Variants in CTNNAL1 observed in about 807,000 individuals in gnomAD.
CTNNAL1 encodes catenin alpha like 1, also known as alpha-catulin.
A neutral mutation model predicts 93.6 loss-of-function variants in CTNNAL1; 69 were observed. The ratio of observed to expected loss-of-function variants is 0.74; its 90% CI spans 0.61 to 0.90. The LOEUF (loss-of-function observed/expected upper bound fraction) is 0.90, where lower values mean the gene tolerates loss of function less well. Ranked by LOEUF, CTNNAL1 falls within the 40% of genes least tolerant of loss-of-function variation. The pLI is 0.00. For missense variants in CTNNAL1, 836 were observed against 862.0 expected, an observed-to-expected ratio of 0.97 and a Z score of 0.38; for synonymous variants, 286 against 305.4, an observed-to-expected ratio of 0.94 and a Z score of 0.66.
At chr9:109,000,007 G>A (rs796648675) in intron 1 of CTNNAL1, among the ~76,000 whole-genome samples, 1 of 152,182 alleles carries the variant, frequency 6.6e-6, no homozygotes, top group Non-Finnish European at 1.5e-5. Flanking sequence ...ATTGCTCAAT[G>A]TACATGTACT....
rs183775464 is a variant in CTNNAL1 at position 109,002,531 on chromosome 9, T to C, written c.142-3275A>G. On this transcript the variant is annotated intron_variant, in intron 1 of 18. Transcript: ENST00000325551. ...TCATTAACATGAAAGGGAGAATATA[T>C]ACCGATGAACTGGGAGATCTAACTA... Among the ~76,000 whole-genome samples, 373 of 152,238 alleles carry C rather than the reference T, an allele frequency of 2.5e-3. 1 individual carries two copies. Among genetic ancestry groups the C allele is most frequent in the Non-Finnish European group, 3.1e-3 (212 of 68,000 alleles).
intron 14 of CTNNAL1, among the ~76,000 whole-genome samples, chr9:108,951,142 C>A (rs540921052): frequency 7.9e-5 from 12 of 151,656 alleles, no homozygotes; most frequent in African/African-American, 2.9e-4. Context: ...TCCCGAGTAG[C>A]TGGGATTACA....
At chr9:108,958,233 T>TA (rs1830735668) in intron 11 of CTNNAL1, among the ~76,000 whole-genome samples, 1 of 152,202 alleles carries the variant, frequency 6.6e-6, no homozygotes, top group Non-Finnish European at 1.5e-5. Context: ...CCCATGGCCC[T>TA]AAAATGTTCA....
At chr9:108,951,758 T>C (rs2417959) in intron 14 of CTNNAL1, among the ~76,000 whole-genome samples, 7,838 of 152,262 alleles carry the variant, frequency 0.051, 305 homozygotes, top group East Asian at 0.12. Flanking sequence ...GGGAATTCTC[T>C]ACATAATGAA....
At chr9:109,012,891 T>C (rs1827251084) in intron 1 of CTNNAL1, among the ~76,000 whole-genome samples, 1 of 152,116 alleles carries the variant, frequency 6.6e-6, no homozygotes, top group South Asian at 2.1e-4. Flanking sequence ...AAGTCGGTTA[T>C]CGTGGAGGGC....
chr9:108,970,405 T>C lies in CTNNAL1; in HGVS notation c.1437A>G (p.Gln479=), dbSNP rs984297030. ...HAEETFQVTG[Q]QIISAAETLT... ...GAGCAATCTGCTATTATCATACCTGTTGGCCAGTCACCTGAAATGTCTCCT... is the reference window on the plus strand; with the variant it reads ...GAGCAATCTGCTATTATCATACCTGCTGGCCAGTCACCTGAAATGTCTCCT... Residue 479 remains glutamine (Q), a synonymous_variant, in exon 10 of 19, where the codon CAA becomes CAG. Coordinates refer to ENST00000325551, the MANE Select transcript of CTNNAL1 (RefSeq NM_003798.4). 16 of 1,611,256 alleles carry C rather than the reference T, an allele frequency of 9.9e-6. No individual in the cohort carries two copies. The highest frequency in any genetic ancestry group is 6.8e-6 in the Non-Finnish European group (8 of 1,178,986).
chr9:108,972,192 CCTG>C (rs1831132512), intron 9 of CTNNAL1, among the ~76,000 whole-genome samples: 1 of 152,128 alleles, frequency 6.6e-6, no homozygotes, highest in Non-Finnish European at 1.5e-5. Context: ...TCCACATTCC[CCTG>C]CTGATGTGGG....
At position 108,943,700 on chromosome 9, in the gene CTNNAL1, T is replaced by C. The variant is rs1830314495; in HGVS notation, c.2055+3A>G. On this transcript the variant is annotated splice_donor_region_variant and intron_variant, in intron 17 of 18. Coordinates refer to ENST00000325551, the MANE Select transcript of CTNNAL1 (RefSeq NM_003798.4). The stretch of plus-strand genomic sequence containing the variant: ...GTGAAAGTTTTTCATATGTCTCTTT[T>C]ACCTTTAGAAATACTTTATTCTGCA... The C allele has an allele frequency of 6.2e-7, 1 of 1,606,138 alleles. No homozygotes were observed. Among genetic ancestry groups the C allele is most frequent in the African/African-American group, 1.3e-5 (1 of 74,376 alleles).
chr9:108,979,196 G>A, intron 7 of CTNNAL1, 85 bp downstream of exon 7: 1 of 1,512,592 alleles, frequency 6.6e-7, no homozygotes, highest in Non-Finnish European at 9.0e-7. Flanking sequence ...CATACTCCTG[G>A]TGATTATGTA....
intron 1 of CTNNAL1, among the ~76,000 whole-genome samples, chr9:108,999,678 T>C (rs1826720970): frequency 6.6e-6 from 1 of 152,246 alleles, no homozygotes; most frequent in South Asian, 2.1e-4. Flanking sequence ...CTCCGTTGCC[T>C]ACCATGGAGC....
chr9:108,992,146 T>G, intron 3 of CTNNAL1: 1 of 687,020 alleles, frequency 1.5e-6, no homozygotes, highest in Non-Finnish European at 2.7e-6. Flanking sequence ...ATTATCATAG[T>G]GCTCACCTTT....
At chr9:108,972,102 G>A (rs1170211409) in intron 9 of CTNNAL1, among the ~76,000 whole-genome samples, 1 of 152,190 alleles carries the variant, frequency 6.6e-6, no homozygotes, top group Non-Finnish European at 1.5e-5. Context: ...CTCCTCCCGG[G>A]AGGGTCACCT....
intron 1 of CTNNAL1, among the ~76,000 whole-genome samples, chr9:109,005,865 A>G (rs1327620857): frequency 1.3e-5 from 2 of 152,224 alleles, no homozygotes. Context: ...CGCCTTCCCC[A>G]GTGCATAATT....
At chr9:108,984,533 C>T (rs1488426099) in intron 4 of CTNNAL1, 97 bp from the exon 5 acceptor site, 2 of 493,448 alleles carry the variant, frequency 4.1e-6, no homozygotes, top group Non-Finnish European at 7.2e-6. Context: ...CAAGAATTCA[C>T]TAACATTGTT....
rs563951837 is a variant in CTNNAL1 at position 109,010,883 on chromosome 9, C to T, written c.141+2419G>A. ...CACTGCTGACTCATCCATGCCTTCT[C>T]TGAGCTTTTAGAGTATGTACCATTG... On this transcript the variant is annotated intron_variant, in intron 1 of 18. Transcript: ENST00000325551. 4.5e-4 allele frequency among the ~76,000 whole-genome samples: 68 copies of T among 152,322 alleles called. 1 individual carries two copies. The highest frequency in any genetic ancestry group is 4.3e-3 in the South Asian group (21 of 4,832).
chr9:108,992,391 T>C (rs1049867035), intron 3 of CTNNAL1, among the ~76,000 whole-genome samples: 2 of 134,516 alleles, frequency 1.5e-5, no homozygotes, highest in South Asian at 4.5e-4. Flanking sequence ...AGAACTTTTC[T>C]TTTTTTTTTT....
rs770103663 is a variant in CTNNAL1, at chr9:108,991,989, G to C, written c.519+643C>G. The C allele has an allele frequency of 4.1e-6, 3 of 731,144 alleles. No individual in the cohort carries two copies. In the South Asian group the frequency reaches 4.4e-5, roughly 11 times the overall value. 45.3% of individuals were successfully genotyped at this position (731,144 alleles called of 1,614,324 possible). ...TTATTCAGTAACATTTAGGGACTCT[G>C]AGTACAGAAATTTTGTAGTTGTGGA... On this transcript the variant is annotated intron_variant, in intron 3 of 18. Transcript: ENST00000325551.
chr9:109,006,751 T>C (rs914405371), intron 1 of CTNNAL1, among the ~76,000 whole-genome samples: 1 of 152,206 alleles, frequency 6.6e-6, no homozygotes. Flanking sequence ...GTTTACTTGA[T>C]AGCTTCTAAC....
chr9:108,972,864 G>GGGCGCCCCCCCC, intron 8 of CTNNAL1, 31 bp from the exon 9 acceptor site: 3 of 142,536 alleles, frequency 2.1e-5, no homozygotes, highest in Non-Finnish European at 3.0e-5. Flanking sequence ...GGGGGGGTGG[G>GGGCGCCCCCCCC]AGGGTGGAGA....
Sources: allele counts gnomAD v4.1 joint callset (sites outside exome capture counted in the v4.1 genomes callset), GRCh38; gene constraint gnomAD v4.1.1; transcripts MANE v1.5; gene names NCBI Gene and HGNC (gene_info 2026-07-23, HGNC 2026-07-21).